KAZN: variants seen among roughly 807,000 people sequenced by gnomAD.
KAZN encodes kazrin.
Under a neutral mutation model 87.4 loss-of-function variants are expected in KAZN, and 40 were observed. The ratio of observed to expected loss-of-function variants is 0.46; its 90% CI spans 0.36 to 0.60. The LOEUF is 0.60. KAZN is among the 20% of genes least tolerant of loss of function. KAZN has a pLI of 0.00. For missense variants in KAZN, 898 were observed against 1,073.9 expected (o/e 0.84, Z 2.29); for synonymous variants, 466 against 458.3 (o/e 1.02, Z -0.22).
intron 2 of KAZN, among the ~76,000 whole-genome samples, chr1:14,324,140 A>G (rs1265775344): frequency 6.6e-6 from 1 of 152,120 alleles, no homozygotes. Flanking sequence ...TCCCACTGTA[A>G]CCACAGGTGA....
intron 2 of KAZN, among the ~76,000 whole-genome samples, chr1:14,512,287 C>T (rs1176519736): frequency 6.6e-6 from 1 of 152,114 alleles, no homozygotes; most frequent in Non-Finnish European, 1.5e-5. Flanking sequence ...GTTTCTCCAC[C>T]TTAGCACTAT....
At chr1:14,279,585 G>T (rs933171563) in intron 2 of KAZN, among the ~76,000 whole-genome samples, 30 of 152,164 alleles carry the variant, frequency 2.0e-4, no homozygotes, top group African/African-American at 7.0e-4. Flanking sequence ...GTGGTACCTT[G>T]GTCCAAAGCC....
intron 1 of KAZN, among the ~76,000 whole-genome samples, chr1:14,741,389 G>A (rs1644094693): frequency 2.0e-5 from 3 of 152,184 alleles, no homozygotes; most frequent in South Asian, 2.1e-4. Flanking sequence ...AAATCCCATG[G>A]GCATGTGGAG....
At chr1:14,514,713 T>C (rs1172241055) in intron 2 of KAZN, among the ~76,000 whole-genome samples, 1 of 145,698 alleles carries the variant, frequency 6.9e-6, no homozygotes, top group African/African-American at 2.6e-5. Context: ...GGTAGCATAA[T>C]GGTTAAAAAT....
chr1:14,183,386 T>C (rs1360942391), intron 2 of KAZN, among the ~76,000 whole-genome samples: 2 of 152,140 alleles, frequency 1.3e-5, no homozygotes, highest in African/African-American at 4.8e-5. Context: ...GTTCGTCCCC[T>C]AAACGTTTTG....
intron 2 of KAZN, among the ~76,000 whole-genome samples, chr1:14,230,025 CT>C (rs1395117894): frequency 2.0e-4 from 30 of 152,256 alleles, no homozygotes; most frequent in African/African-American, 7.0e-4. Context: ...TACAGCTGTG[CT>C]GTCCCATATA....
At chr1:14,894,875 C>T (rs534313346) in intron 1 of KAZN, among the ~76,000 whole-genome samples, 21 of 152,394 alleles carry the variant, frequency 1.4e-4, no homozygotes, top group South Asian at 4.1e-4. Context: ...GAGTGCAGCT[C>T]TCTCCTCCCT....
At chr1:14,521,860 C>CA (rs1375911029) in intron 2 of KAZN, among the ~76,000 whole-genome samples, 3 of 152,062 alleles carry the variant, frequency 2.0e-5, no homozygotes, top group African/African-American at 4.8e-5. Flanking sequence ...AAATGTACAC[C>CA]AAAAAATCAC....
chr1:14,829,389 A>G (rs1056034640), intron 1 of KAZN, among the ~76,000 whole-genome samples: 11 of 152,232 alleles, frequency 7.2e-5, no homozygotes, highest in Admixed American at 2.0e-4. Context: ...TTCTCGGGAA[A>G]GTGACAGCTA....
chr1:14,446,193 C>A (rs528292947), intron 2 of KAZN, among the ~76,000 whole-genome samples: 2 of 152,226 alleles, frequency 1.3e-5, no homozygotes, highest in Admixed American at 1.3e-4. Flanking sequence ...AAGACCCTGT[C>A]TCAGAAAACA....
chr1:14,901,964 A>C (rs1416977667), intron 1 of KAZN, among the ~76,000 whole-genome samples: 1 of 152,206 alleles, frequency 6.6e-6, no homozygotes, highest in African/African-American at 2.4e-5. Context: ...CAGCAGTGGC[A>C]GGCAATTTCT....
intron 2 of KAZN, among the ~76,000 whole-genome samples, chr1:14,529,681 C>T (rs918650896): frequency 3.3e-5 from 5 of 152,084 alleles, no homozygotes; most frequent in Non-Finnish European, 5.9e-5. Context: ...AAAGGAGAAC[C>T]AGTGAATAGT....
At chr1:14,841,382 G>A (rs1647972446) in intron 1 of KAZN, among the ~76,000 whole-genome samples, 1 of 125,860 alleles carries the variant, frequency 7.9e-6, no homozygotes, top group South Asian at 2.5e-4. Context: ...CTCCAGCCTG[G>A]GCGACAGAGC....
At chr1:14,384,008 C>T (rs1571468591) in intron 2 of KAZN, among the ~76,000 whole-genome samples, 1 of 152,174 alleles carries the variant, frequency 6.6e-6, no homozygotes, top group Non-Finnish European at 1.5e-5. Context: ...TGGTTTGTAG[C>T]TCTGCTTGAA....
chr1:14,061,266 G>A (rs925434542), intron 1 of KAZN, among the ~76,000 whole-genome samples: 3 of 152,210 alleles, frequency 2.0e-5, no homozygotes, highest in Non-Finnish European at 4.4e-5. Flanking sequence ...GGGGAACAGG[G>A]AGGAGTAATG....
chr1:15,053,703 A>G (rs1674654700), intron 4 of KAZN, among the ~76,000 whole-genome samples: 1 of 152,132 alleles, frequency 6.6e-6, no homozygotes, highest in Admixed American at 6.5e-5. Flanking sequence ...AACCTCTCTG[A>G]GTTTTGGTTT....
chr1:13,899,548 C>T (rs985574327), intron 1 of KAZN, among the ~76,000 whole-genome samples: 2 of 152,060 alleles, frequency 1.3e-5, no homozygotes, highest in Non-Finnish European at 2.9e-5. Flanking sequence ...AGTCACTCCT[C>T]ATAACATGTT....
At chr1:14,656,850 A>G (rs1638824826) in intron 1 of KAZN, among the ~76,000 whole-genome samples, 1 of 152,218 alleles carries the variant, frequency 6.6e-6, no homozygotes, top group Non-Finnish European at 1.5e-5. Flanking sequence ...TCAACAGGAG[A>G]TTCGGGCAGA....
At chr1:14,361,700 C>A (rs1339957844) in intron 2 of KAZN, among the ~76,000 whole-genome samples, 16 of 152,230 alleles carry the variant, frequency 1.1e-4, no homozygotes, top group Admixed American at 1.0e-3. Flanking sequence ...TTCTGTTCAT[C>A]CTCTGTGGGC....
Sources: gnomAD v4.1 joint callset for allele counts (sites outside exome capture counted in the v4.1 genomes callset) on GRCh38, gnomAD v4.1.1 for gene constraint, MANE v1.5 for transcripts, NCBI Gene and HGNC (gene_info 2026-07-23, HGNC 2026-07-21) for gene names.